Variants in SLC25A42 observed in about 807,000 individuals in gnomAD.
The protein encoded by SLC25A42 is solute carrier family 25 member 42.
In SLC25A42, 19 loss-of-function variants were observed where a neutral mutation model predicts 34.7. The observed-to-expected ratio is 0.55, with a 90% confidence interval of 0.38 to 0.80. The LOEUF is 0.80. SLC25A42 is among the 30% of genes least tolerant of loss of function. The pLI is 0.00. For missense variants in SLC25A42, 364 were observed against 441.3 expected, an observed-to-expected ratio of 0.82 and a Z score of 1.57; for synonymous variants, 205 against 191.2, an observed-to-expected ratio of 1.07 and a Z score of -0.59.
intron 2 of SLC25A42, 49 bp downstream of exon 2, chr19:19,096,254 T>TGGGGCCCCCCCCCCCCCC: frequency 5.5e-6 from 8 of 1,456,600 alleles, no homozygotes; most frequent in Non-Finnish European, 3.8e-6. Flanking sequence ...GGCCCCAGCC[T>TGGGGCCCCCCCCCCCCCC]CCCCACCCCC....
At chr19:19,095,784 G>A (rs995567783) in intron 1 of SLC25A42, among the ~76,000 whole-genome samples, 6 of 152,188 alleles carry the variant, frequency 3.9e-5, no homozygotes, top group African/African-American at 9.6e-5. Flanking sequence ...CCTCGGCCAC[G>A]CTGGCCCCAC....
rs183215220 is a variant in SLC25A42, at chr19:19,084,650, G to C, written c.-34-11441G>C. On this transcript the variant is annotated intron_variant, in intron 1 of 7. Transcript: ENST00000318596. ...CATCAGACTGGGCTGCTTCCAAAGA[G>C]TAGAGTAGGGAATGGGGAATACCCA... 1.9e-3 allele frequency among the ~76,000 whole-genome samples: 285 copies of C among 152,320 alleles called. 2 individuals carry two copies. The highest frequency in any genetic ancestry group is 3.2e-3 in the Non-Finnish European group (220 of 68,032).
chr19:19,096,260 C>T (rs1487316977), intron 2 of SLC25A42, 55 bp downstream of exon 2: 4 of 1,404,048 alleles, frequency 2.8e-6, no homozygotes, highest in Non-Finnish European at 3.9e-6. Context: ...AGCCTCCCCA[C>T]CCCCCCTCCC....
chr19:19,095,607 C>T (rs1284137842), intron 1 of SLC25A42, among the ~76,000 whole-genome samples: 4 of 152,024 alleles, frequency 2.6e-5, no homozygotes, highest in African/African-American at 9.7e-5. Flanking sequence ...AGTGAGACTC[C>T]GTCTCAAAAA....
Position 19,112,025 on chromosome 19 carries a change from G to C in SLC25A42, c.*1149G>C, listed in dbSNP as rs2059868509. ...CAGAGGAGTCCCCCAGGGCCCGCCA[G>C]CTATCACAGGGACTCAGAAACACCC... On this transcript the variant is annotated 3_prime_UTR_variant, in exon 8 of 8. Coordinates refer to ENST00000318596, the MANE Select transcript of SLC25A42 (RefSeq NM_178526.5). The surrounding 1 kb of genome is among the most constrained non-coding windows in gnomAD (Gnocchi z 4.3). 6.6e-6 allele frequency: 1 copy of C among 152,206 alleles called. No individual in the cohort carries two copies. Among genetic ancestry groups the C allele is most frequent in the Non-Finnish European group, 1.5e-5 (1 of 68,050 alleles). 9.4% of individuals were successfully genotyped at this position (152,206 alleles called of 1,614,324 possible).
rs1375781278 is a variant in SLC25A42 at position 19,110,667 on chromosome 19, G to A, written c.748G>A (p.Val250Met). Residue 250 changes from valine (V) to methionine (M), a missense_variant, in exon 8 of 8, where the codon GTG becomes ATG. Transcript: ENST00000318596. ...GQSASYPLDVVRRRMQTAGVT... is the reference protein window; with the variant it reads ...GQSASYPLDVMRRRMQTAGVT... ...GTCGGCCTCGTACCCGCTGGATGTG[G>A]TGCGGCGGCGCATGCAGACGGCCGG... 1.3e-6 allele frequency: 2 copies of A among 1,561,666 alleles called. No individual in the cohort carries two copies. Among genetic ancestry groups the A allele is most frequent in the African/African-American group, 1.4e-5 (1 of 73,292 alleles).
At chr19:19,075,799 C>T (rs1239897302) in intron 1 of SLC25A42, among the ~76,000 whole-genome samples, 5 of 152,200 alleles carry the variant, frequency 3.3e-5, no homozygotes, top group East Asian at 1.9e-4. Flanking sequence ...CCTCCTTCAC[C>T]TCCTGGCCTT....
chr19:19,082,495 T>A (rs1273050483), intron 1 of SLC25A42, among the ~76,000 whole-genome samples: 2 of 152,088 alleles, frequency 1.3e-5, no homozygotes, highest in African/African-American at 4.8e-5. Flanking sequence ...CCCAAGTAGC[T>A]GGGGCTACAG....
At chr19:19,104,032 G>T (rs1186727183) in intron 3 of SLC25A42, among the ~76,000 whole-genome samples, 1 of 152,082 alleles carries the variant, frequency 6.6e-6, no homozygotes. Flanking sequence ...TTACCCTCCC[G>T]AGTAGCTGGG....
chr19:19,068,853 T>TAAATA (rs1057411931), intron 1 of SLC25A42, among the ~76,000 whole-genome samples: 1 of 146,618 alleles, frequency 6.8e-6, no homozygotes, highest in African/African-American at 2.5e-5. Context: ...AATAAATAAA[T>TAAATA]AAATAAATAA....
At chr19:19,076,846 C>T (rs934850904) in intron 1 of SLC25A42, among the ~76,000 whole-genome samples, 6 of 152,088 alleles carry the variant, frequency 3.9e-5, no homozygotes, top group Non-Finnish European at 8.8e-5. Context: ...AACCAGTATT[C>T]TAATCTTTAT....
Position 19,112,666 on chromosome 19 carries a change from T to A in SLC25A42, c.*1790T>A, listed in dbSNP as rs4808922. On this transcript the variant is annotated 3_prime_UTR_variant, in exon 8 of 8. Coordinates refer to ENST00000318596, the MANE Select transcript of SLC25A42 (RefSeq NM_178526.5). The surrounding 1 kb of genome is among the most constrained non-coding windows in gnomAD (Gnocchi z 4.3). ...CCCAGTGTGTCTCCCCGGAGATGGCTCCTAGCTGAGTGGGACCCGGCAGGA... is the reference window on the plus strand; with the variant it reads ...CCCAGTGTGTCTCCCCGGAGATGGCACCTAGCTGAGTGGGACCCGGCAGGA... 9,923 of 152,806 alleles carry A rather than the reference T, an allele frequency of 0.065. 381 individuals are homozygous for A. The highest frequency in any genetic ancestry group is 0.15 in the Middle Eastern group (45 of 296). 9.5% of individuals were successfully genotyped at this position (152,806 alleles called of 1,614,324 possible).
intron 1 of SLC25A42, among the ~76,000 whole-genome samples, chr19:19,085,694 G>C (rs1441739563): frequency 1.3e-5 from 2 of 152,190 alleles, no homozygotes; most frequent in East Asian, 1.9e-4. Flanking sequence ...TGTGTTGTAT[G>C]GGTGCCTGTG....
rs2146317622 is a variant in SLC25A42 at position 19,110,837 on chromosome 19, C to T, written c.918C>T (p.Phe306=). The stretch of plus-strand genomic sequence containing the variant: ...CCGTGGGCATCAGCTTCACCACCTT[C>T]GACCTCATGCAGATCCTGCTGCGGC... The part of the protein sequence containing the change: ...PIAVGISFTT[F]DLMQILLRHL... Residue 306 remains phenylalanine (F), a synonymous_variant, in exon 8 of 8, where the codon TTC becomes TTT. Transcript: ENST00000318596. 5 of 1,613,988 alleles carry T rather than the reference C, an allele frequency of 3.1e-6. No homozygotes were observed. Among genetic ancestry groups the T allele is most frequent in the Non-Finnish European group, 4.2e-6 (5 of 1,180,024 alleles).
rs780871965 is a variant in SLC25A42, at chr19:19,110,879, G to T, written c.*3G>T. The T allele has an allele frequency of 6.2e-7, 1 of 1,613,658 alleles. No homozygotes were observed. The highest frequency in any genetic ancestry group is 1.1e-5 in the South Asian group (1 of 91,074). On this transcript the variant is annotated 3_prime_UTR_variant, in exon 8 of 8. Coordinates refer to ENST00000318596, the MANE Select transcript of SLC25A42 (RefSeq NM_178526.5). ...TGCTGCGGCACCTGCAGAGCTAGGG[G>T]ACCCTGAGCTGCTCTCAGGACGGTG...
At chr19:19,076,932 C>A (rs898103939) in intron 1 of SLC25A42, among the ~76,000 whole-genome samples, 5 of 152,070 alleles carry the variant, frequency 3.3e-5, no homozygotes, top group Admixed American at 6.6e-5. Context: ...GTTTGTAATT[C>A]CAGCACTTTG....
chr19:19,085,673 A>G (rs532436541), intron 1 of SLC25A42, among the ~76,000 whole-genome samples: 3 of 152,340 alleles, frequency 2.0e-5, no homozygotes, highest in South Asian at 2.1e-4. Context: ...CACCCGGCCA[A>G]TAGCCACTAT....
At chr19:19,110,185 A>G (rs1055830292) in intron 7 of SLC25A42, among the ~76,000 whole-genome samples, 2 of 152,102 alleles carry the variant, frequency 1.3e-5, no homozygotes, top group East Asian at 1.9e-4. Flanking sequence ...TGTCTCTACT[A>G]AAAATACAAC....
At chr19:19,072,705 G>A (rs1350927487) in intron 1 of SLC25A42, among the ~76,000 whole-genome samples, 5 of 148,362 alleles carry the variant, frequency 3.4e-5, no homozygotes, top group Admixed American at 2.7e-4. Context: ...TTAGAGACAG[G>A]GTCTTGTTCT....
Sources: gnomAD v4.1 joint callset for allele counts (sites outside exome capture counted in the v4.1 genomes callset) on GRCh38, gnomAD v4.1.1 for gene constraint, Gnocchi (gnomAD v3.1) non-coding constraint, MANE v1.5 for transcripts, NCBI Gene and HGNC (gene_info 2026-07-23, HGNC 2026-07-21) for gene names.